EFHD2: variants seen among roughly 807,000 people sequenced by gnomAD.
EFHD2 encodes EF-hand domain-containing protein D2.
In EFHD2, 12 loss-of-function variants were observed where a neutral mutation model predicts 20.3. That is an observed-to-expected ratio of 0.59 (90% CI 0.38 to 0.96). EFHD2 has a LOEUF of 0.96. EFHD2 is among the 40% of genes least tolerant of loss of function. EFHD2 has a pLI of 0.00. For missense variants in EFHD2, 250 were observed against 334.3 expected (o/e 0.75, Z 1.97); for synonymous variants, 131 against 143.9 (o/e 0.91, Z 0.64).
At chr1:15,414,335 C>T (rs1197218093) in intron 1 of EFHD2, among the ~76,000 whole-genome samples, 1 of 152,250 alleles carries the variant, frequency 6.6e-6, no homozygotes, top group Admixed American at 6.5e-5. Context: ...GGGGACACAC[C>T]TCTCCCAGGA....
chr1:15,423,277 C>T (rs1243357438), intron 1 of EFHD2, among the ~76,000 whole-genome samples: 2 of 152,232 alleles, frequency 1.3e-5, no homozygotes, highest in Non-Finnish European at 2.9e-5. Context: ...CTGGCCCATC[C>T]ACCTCCACCC....
intron 1 of EFHD2, among the ~76,000 whole-genome samples, chr1:15,416,102 T>C (rs895950129): frequency 6.6e-6 from 1 of 152,180 alleles, no homozygotes; most frequent in Non-Finnish European, 1.5e-5. Flanking sequence ...ACTTCCACTA[T>C]GCATCAGCCT....
intron 1 of EFHD2, among the ~76,000 whole-genome samples, chr1:15,412,870 G>A (rs1707563902): frequency 6.6e-6 from 1 of 152,160 alleles, no homozygotes; most frequent in African/African-American, 2.4e-5. Flanking sequence ...AGGGGAGCTG[G>A]ACCCCTCCAA....
chr1:15,425,818 C>T lies in EFHD2; in HGVS notation c.309-53C>T, dbSNP rs550311278. 8.8e-5 allele frequency: 139 copies of T among 1,579,350 alleles called. No individual in the cohort carries two copies. In the South Asian group the frequency reaches 1.1e-3, roughly 13 times the overall value. ...CCCAGTCTCCTTGCACTCAAGCCTG[C>T]GGCCTCTCTGACTGAGCCAGTGCCA... On this transcript the variant is annotated intron_variant, in intron 1 of 3. Transcript: ENST00000375980.
In EFHD2 at chr1:15,426,753, C is replaced by G. The variant is rs975595194; in HGVS notation, c.457-397C>G. 6.6e-6 allele frequency among the ~76,000 whole-genome samples: 1 copy of G among 152,124 alleles called. No homozygotes were observed. The highest frequency in any genetic ancestry group is 2.4e-5 in the African/African-American group (1 of 41,400). ...CCTCTGACACGTTCAGGCGCTGAGA[C>G]TTGGGGTGTCTTTTACTGTCATGGA... is the stretch of plus-strand genomic sequence containing the variant. On this transcript the variant is annotated intron_variant, in intron 2 of 3. Coordinates refer to ENST00000375980, the MANE Select transcript of EFHD2 (RefSeq NM_024329.6). The surrounding 1 kb of genome is among the most constrained non-coding windows in gnomAD (Gnocchi z 4.6).
intron 1 of EFHD2, among the ~76,000 whole-genome samples, chr1:15,414,145 C>T (rs1409809274): frequency 6.6e-6 from 1 of 152,230 alleles, no homozygotes; most frequent in Non-Finnish European, 1.5e-5. Context: ...GAGGACGATG[C>T]CCTAGATCCC....
At chr1:15,417,583 C>A (rs1452002720) in intron 1 of EFHD2, among the ~76,000 whole-genome samples, 1 of 152,192 alleles carries the variant, frequency 6.6e-6, no homozygotes, top group Non-Finnish European at 1.5e-5. Context: ...CTCTCTTTCT[C>A]CCCCAACCCC....
chr1:15,428,017 A>C (rs72865117), intron 3 of EFHD2: 5,558 of 470,554 alleles, frequency 0.012, 276 homozygotes, highest in African/African-American at 0.1. Context: ...TAGGTTCTCT[A>C]TTTCAATCCT....
In EFHD2 at chr1:15,413,249, G is replaced by A. The variant is rs1707576245; in HGVS notation, c.308+2970G>A. On this transcript the variant is annotated intron_variant, in intron 1 of 3. Coordinates refer to ENST00000375980, the MANE Select transcript of EFHD2 (RefSeq NM_024329.6). This position sits in a 1 kb window ranked among gnomAD's most constrained non-coding sequence, Gnocchi z 4.4. ...TGCCCTCCTGGGAAGCCAGTCACTAGAGCAGGAGGCAGGAGACCATGAGGT... is the reference window on the plus strand; with the variant it reads ...TGCCCTCCTGGGAAGCCAGTCACTAAAGCAGGAGGCAGGAGACCATGAGGT... Among the ~76,000 whole-genome samples the A allele has an allele frequency of 6.6e-6, 1 of 152,304 alleles. No individual in the cohort carries two copies. Among genetic ancestry groups the A allele is most frequent in the Middle Eastern group, 3.4e-3 (1 of 294 alleles).
chr1:15,419,783 T>C (rs967691493), intron 1 of EFHD2, among the ~76,000 whole-genome samples: 1 of 152,164 alleles, frequency 6.6e-6, no homozygotes, highest in African/African-American at 2.4e-5. Flanking sequence ...GAGATGCCTG[T>C]TTCCAGCCAT....
At chr1:15,410,393 C>T in intron 1 of EFHD2, 114 bp downstream of exon 1, 1 of 1,323,168 alleles carries the variant, frequency 7.6e-7, no homozygotes, top group South Asian at 1.4e-5. Context: ...AGCCAAGCTT[C>T]CCCGAACCCA....
rs1357306969 is a variant in EFHD2 at position 15,427,094 on chromosome 1, C to T, written c.457-56C>T. 5.0e-6 allele frequency: 8 copies of T among 1,585,670 alleles called. No individual in the cohort carries two copies. The African/African-American group carries it at 6.7e-5, about 13-fold the overall frequency. ...TGGGGCCTGGGTGCGGCCAGGGACT[C>T]CGGCTCCCCTCCTTCCCTCCCTTCC... On this transcript the variant is annotated intron_variant, in intron 2 of 3. Coordinates refer to ENST00000375980, the MANE Select transcript of EFHD2 (RefSeq NM_024329.6).
intron 1 of EFHD2, among the ~76,000 whole-genome samples, chr1:15,420,260 G>A (rs184968649): frequency 6.6e-5 from 10 of 152,294 alleles, no homozygotes; most frequent in Non-Finnish European, 1.3e-4. Flanking sequence ...CTACTATTAC[G>A]ATGATGATGA....
chr1:15,426,334 G>A lies in EFHD2; in HGVS notation c.456+316G>A, dbSNP rs949090298. On this transcript the variant is annotated intron_variant, in intron 2 of 3. Transcript: ENST00000375980. The surrounding 1 kb of genome is among the most constrained non-coding windows in gnomAD (Gnocchi z 4.6). ...TGGGGTAGAGAAAGGCCCTGTGCTC[G>A]AAGGTTCCTGGAAGTGTAGAGGGGG... Among the ~76,000 whole-genome samples the A allele has an allele frequency of 2.6e-5, 4 of 152,154 alleles. No individual in the cohort carries two copies. Among genetic ancestry groups the A allele is most frequent in the East Asian group, 3.9e-4 (2 of 5,188 alleles).
Position 15,427,251 on chromosome 1 carries a change from T to C in EFHD2, c.558T>C (p.Gly186=), listed in dbSNP as rs1381742214. The C allele has an allele frequency of 1.9e-6, 3 of 1,607,650 alleles. No homozygotes were observed. The highest frequency in any genetic ancestry group is 2.5e-6 in the Non-Finnish European group (3 of 1,177,668). Residue 186 remains glycine, a synonymous_variant, in exon 3 of 4, where the codon GGT becomes GGC. Transcript: ENST00000375980. ...CTGAGATCGACGTCTCCAGTGAGGGTGTCAAGGGGGCCAAGAGCTTCTTTG... is the reference window on the plus strand; with the variant it reads ...CTGAGATCGACGTCTCCAGTGAGGGCGTCAAGGGGGCCAAGAGCTTCTTTG... ...RLSEIDVSSE[G]VKGAKSFFEA...
chr1:15,410,371 G>A lies in EFHD2; in HGVS notation c.308+92G>A. The A allele has an allele frequency of 5.6e-6, 8 of 1,418,926 alleles. No homozygotes were observed. In the South Asian group the frequency reaches 1.1e-4, roughly 19 times the overall value. The allele number at this position is 1,418,926 out of a possible 1,614,324, so 87.9% of individuals were successfully genotyped here. A position where few individuals can be genotyped will look rare whatever the true frequency, so the allele number is the denominator to read the frequency against. ...ATCCCCGGATCCCGCTCCGCCCCGG[G>A]AGCCTGCCGTCAGCCAAGCTTCCCC... On this transcript the variant is annotated intron_variant, in intron 1 of 3. Coordinates refer to ENST00000375980, the MANE Select transcript of EFHD2 (RefSeq NM_024329.6).
At chr1:15,428,105 A>C (rs1570773009) in intron 3 of EFHD2, 2 of 420,320 alleles carry the variant, frequency 4.8e-6, no homozygotes, top group East Asian at 7.2e-5. Context: ...AGGTGAATGA[A>C]GTGCCTGACC....
chr1:15,421,462 G>T lies in EFHD2; in HGVS notation c.309-4409G>T, dbSNP rs375188298. 6.7e-4 allele frequency among the ~76,000 whole-genome samples: 102 copies of T among 152,252 alleles called. 5 individuals are homozygous for T. The South Asian group carries it at 0.021, about 31-fold the overall frequency. ...TGGTGATGGACTCTTTGGCACCGCA[G>T]CCAGCCCCTGTATTGTCCCCCTGGG... On this transcript the variant is annotated intron_variant, in intron 1 of 3. Coordinates refer to ENST00000375980, the MANE Select transcript of EFHD2 (RefSeq NM_024329.6).
At chr1:15,428,105 AG>A (rs1419120120) in intron 3 of EFHD2, 5 of 420,202 alleles carry the variant, frequency 1.2e-5, no homozygotes, top group Admixed American at 7.7e-5. Flanking sequence ...AGGTGAATGA[AG>A]TGCCTGACCC....
Sources: gnomAD v4.1 joint callset for allele counts (sites outside exome capture counted in the v4.1 genomes callset) on GRCh38, gnomAD v4.1.1 for gene constraint, Gnocchi (gnomAD v3.1) non-coding constraint, MANE v1.5 for transcripts, NCBI Gene and HGNC (gene_info 2026-07-23, HGNC 2026-07-21) for gene names.